The following BARD1 variants were observed in gnomAD, a reference collection of about 807,000 sequenced individuals.
The protein encoded by BARD1 is BRCA1-associated RING domain protein 1.
Under a neutral mutation model 77.0 loss-of-function variants are expected in BARD1, and 73 were observed. That is an observed-to-expected ratio of 0.95 (90% CI 0.79 to 1.15). The LOEUF is 1.15. Ranked by LOEUF, BARD1 falls within the 50% of genes most tolerant of loss-of-function variation. The pLI is 0.00. For missense variants in BARD1, 993 were observed against 938.8 expected, an observed-to-expected ratio of 1.06 and a Z score of -0.75; for synonymous variants, 384 against 338.0, an observed-to-expected ratio of 1.14 and a Z score of -1.49.
At chr2:214,799,369 T>C (rs1695908566) in intron 1 of BARD1, among the ~76,000 whole-genome samples, 1 of 152,222 alleles carries the variant, frequency 6.6e-6, no homozygotes, top group Admixed American at 6.5e-5. Context: ...TTTGTATCTC[T>C]ACCAAAGTAA....
rs1287254992 is a variant in BARD1 at position 214,767,358 on chromosome 2, C to G, written c.1568+124G>C. ...TGAGTGCAGAATGTGATGATCACAT[C>G]TAATTTTAGTTGTGAAAGTGAAGAA... On this transcript the variant is annotated intron_variant, in intron 6 of 10. Coordinates refer to ENST00000260947, the MANE Select transcript of BARD1 (RefSeq NM_000465.4). The G allele has an allele frequency of 3.3e-6, 3 of 921,924 alleles. No homozygotes were observed. The Admixed American group carries it at 6.0e-5, about 18-fold the overall frequency. The allele number at this position is 921,924 out of a possible 1,614,324, so 57.1% of individuals were successfully genotyped here.
At chr2:214,758,107 C>G (rs1693782822) in intron 6 of BARD1, among the ~76,000 whole-genome samples, 2 of 152,000 alleles carry the variant, frequency 1.3e-5, no homozygotes, top group Admixed American at 1.3e-4. Flanking sequence ...GAACAGCTTC[C>G]TAAATCATTG....
chr2:214,763,353 C>T (rs1694048590), intron 6 of BARD1, among the ~76,000 whole-genome samples: 1 of 152,146 alleles, frequency 6.6e-6, no homozygotes, highest in Non-Finnish European at 1.5e-5. Context: ...CTTTAACAGA[C>T]TGTTCACTGT....
chr2:214,769,109 AC>A, intron 5 of BARD1, 122 bp downstream of exon 5: 2 of 801,856 alleles, frequency 2.5e-6, no homozygotes, highest in Non-Finnish European at 4.1e-6. Context: ...CTTGATGAAA[AC>A]ATAAGTTCTT....
At chr2:214,753,745 T>G (rs1259318174) in intron 6 of BARD1, among the ~76,000 whole-genome samples, 1 of 151,884 alleles carries the variant, frequency 6.6e-6, no homozygotes, top group Non-Finnish European at 1.5e-5. Flanking sequence ...GATGGCAGAG[T>G]GGGAAAAGAA....
intron 6 of BARD1, among the ~76,000 whole-genome samples, chr2:214,761,636 A>G (rs1693969263): frequency 6.6e-6 from 1 of 152,178 alleles, no homozygotes; most frequent in South Asian, 2.1e-4. Context: ...CCCTATCTCA[A>G]AAACAAAAAC....
chr2:214,745,302 A>G (rs550714325), intron 8 of BARD1, 143 bp from the exon 9 acceptor site: 233 of 708,340 alleles, frequency 3.3e-4, no homozygotes, highest in Middle Eastern at 1.9e-3. Context: ...GTGTAAGACT[A>G]CTTCTATTTA....
intron 1 of BARD1, among the ~76,000 whole-genome samples, chr2:214,808,432 TTG>T (rs1478306084): frequency 6.6e-6 from 1 of 152,170 alleles, no homozygotes; most frequent in Non-Finnish European, 1.5e-5. Flanking sequence ...AAAGAAAAAG[TTG>T]TGTTACTTAT....
At chr2:214,771,718 ACT>A (rs932942472) in intron 4 of BARD1, among the ~76,000 whole-genome samples, 1 of 148,408 alleles carries the variant, frequency 6.7e-6, no homozygotes, top group Admixed American at 6.8e-5. Context: ...ACAGAGCGAG[ACT>A]CTACCTCAGA....
intron 9 of BARD1, chr2:214,730,781 TG>T: frequency 2.1e-6 from 1 of 486,866 alleles, no homozygotes; most frequent in Non-Finnish European, 3.8e-6. Flanking sequence ...ATCTCCTTTC[TG>T]AAAAACCTAA....
At chr2:214,732,387 ATTT>A (rs996960343) in intron 9 of BARD1, among the ~76,000 whole-genome samples, 2 of 148,248 alleles carry the variant, frequency 1.3e-5, no homozygotes, top group African/African-American at 2.5e-5. Context: ...ACCTATGATG[ATTT>A]TTTTTTCTTT....
At position 214,731,340 on chromosome 2, in the gene BARD1, C is replaced by A. The variant is rs1692347625; in HGVS notation, c.1904-832G>T. 2.0e-5 allele frequency among the ~76,000 whole-genome samples: 3 copies of A among 152,162 alleles called. No homozygotes were observed. The South Asian group carries it at 6.2e-4, about 32-fold the overall frequency. On this transcript the variant is annotated intron_variant, in intron 9 of 10. Coordinates refer to ENST00000260947, the MANE Select transcript of BARD1 (RefSeq NM_000465.4). ...CTAGGCTCTAGAAATGAAAGGAACCCTTGGGATTCCCAGGACCAATCATGA... is the reference window on the plus strand; with the variant it reads ...CTAGGCTCTAGAAATGAAAGGAACCATTGGGATTCCCAGGACCAATCATGA...
intron 7 of BARD1, among the ~76,000 whole-genome samples, chr2:214,749,188 A>T (rs1693283767): frequency 6.6e-6 from 1 of 151,842 alleles, no homozygotes; most frequent in South Asian, 2.1e-4. Context: ...TCCTGGAAAA[A>T]AAAAAAAAAA....
chr2:214,746,344 C>A (rs1693114550), intron 7 of BARD1, among the ~76,000 whole-genome samples: 1 of 152,098 alleles, frequency 6.6e-6, no homozygotes, highest in South Asian at 2.1e-4. Context: ...AAAATAGTAA[C>A]CCCTCAAAAC....
intron 9 of BARD1, 136 bp downstream of exon 9, chr2:214,744,931 A>C: frequency 1.2e-6 from 1 of 835,842 alleles, no homozygotes; most frequent in Non-Finnish European, 2.0e-6. Context: ...ACGCCCAGCC[A>C]GAAGCTTTTC....
chr2:214,741,411 T>C (rs896911759), intron 9 of BARD1, among the ~76,000 whole-genome samples: 1 of 152,286 alleles, frequency 6.6e-6, no homozygotes, highest in East Asian at 1.9e-4. Context: ...ACTAAAAGAA[T>C]AGGTCAGTAG....
chr2:214,791,730 T>A (rs1381902301), intron 3 of BARD1, among the ~76,000 whole-genome samples: 2 of 152,184 alleles, frequency 1.3e-5, no homozygotes, highest in East Asian at 3.9e-4. Context: ...TGGAAAAATG[T>A]CGTATTCTAT....
intron 7 of BARD1, among the ~76,000 whole-genome samples, chr2:214,748,514 T>A (rs1371544951): frequency 4.6e-5 from 7 of 151,938 alleles, no homozygotes; most frequent in African/African-American, 1.7e-4. Context: ...AAAATGGGGT[T>A]AAAAAATCTA....
intron 9 of BARD1, among the ~76,000 whole-genome samples, chr2:214,734,499 C>G (rs1449067063): frequency 6.6e-6 from 1 of 151,984 alleles, no homozygotes; most frequent in Non-Finnish European, 1.5e-5. Flanking sequence ...AATAGAGAAC[C>G]ATGAGAGCAG....
Sources: allele counts gnomAD v4.1 joint callset (sites outside exome capture counted in the v4.1 genomes callset), GRCh38; gene constraint gnomAD v4.1.1; transcripts MANE v1.5; gene names NCBI Gene and HGNC (gene_info 2026-07-23, HGNC 2026-07-21).